Variants in ROBO2 observed in about 807,000 individuals in gnomAD.
ROBO2 encodes the protein roundabout guidance receptor 2.
Under a neutral mutation model 160.8 loss-of-function variants are expected in ROBO2, and 53 were observed. The observed-to-expected ratio is 0.33, with a 90% CI of 0.26 to 0.41. The LOEUF (loss-of-function observed/expected upper bound fraction) is 0.41, where lower values mean the gene tolerates loss of function less well. Among genes scored for constraint, ROBO2 ranks in the 10% least tolerant of loss-of-function variants. The probability of loss-of-function intolerance (pLI) is 1.00; values close to 1 mark genes in which losing one functional copy is unlikely to be tolerated. For synonymous variants in ROBO2, 664 were observed against 611.7 expected, an observed-to-expected ratio of 1.09 and a Z score of -1.26; for missense variants, 1,577 against 1,722.4, an observed-to-expected ratio of 0.92 and a Z score of 1.49.
chr3:76,142,961 T>TAAAA (rs989992736), intron 2 of ROBO2, among the ~76,000 whole-genome samples: 1 of 151,832 alleles, frequency 6.6e-6, no homozygotes, highest in African/African-American at 2.4e-5. Context: ...AAAATAAAAA[T>TAAAA]AAATAGTGGT....
chr3:77,200,270 TATATATA>T (rs1560218300), intron 2 of ROBO2, among the ~76,000 whole-genome samples: 5 of 9,448 alleles, frequency 5.3e-4, no homozygotes, highest in Admixed American at 9.5e-4. Context: ...ACATATTTTA[TATATATA>T]TATATATATA....
chr3:77,094,020 T>C (rs1221901264), intron 1 of ROBO2, among the ~76,000 whole-genome samples: 2 of 152,340 alleles, frequency 1.3e-5, no homozygotes, highest in African/African-American at 4.8e-5. Context: ...TTACCCAAAG[T>C]ATAAAATATA....
chr3:77,145,375 A>G (rs952612390), intron 2 of ROBO2, among the ~76,000 whole-genome samples: 7 of 152,192 alleles, frequency 4.6e-5, no homozygotes, highest in African/African-American at 1.7e-4. Context: ...TATATTTTCA[A>G]GGATATTATT....
chr3:76,347,079 T>A (rs571648397), intron 2 of ROBO2, among the ~76,000 whole-genome samples: 1 of 152,294 alleles, frequency 6.6e-6, no homozygotes, highest in Admixed American at 6.5e-5. Context: ...ATTATGTCTC[T>A]TTACGTTTAG....
intron 6 of ROBO2, among the ~76,000 whole-genome samples, chr3:77,535,410 A>T (rs1559560978): frequency 6.6e-6 from 1 of 151,512 alleles, no homozygotes. Flanking sequence ...CCCTCTCTTT[A>T]CTCCCACACT....
At chr3:76,650,395 G>A (rs903698291) in intron 2 of ROBO2, among the ~76,000 whole-genome samples, 2 of 151,752 alleles carry the variant, frequency 1.3e-5, no homozygotes, top group African/African-American at 4.8e-5. Flanking sequence ...TATTTTCTGT[G>A]TAGCATTCTC....
At chr3:76,544,269 A>G (rs1220206497) in intron 2 of ROBO2, among the ~76,000 whole-genome samples, 1 of 152,066 alleles carries the variant, frequency 6.6e-6, no homozygotes, top group Non-Finnish European at 1.5e-5. Flanking sequence ...TTACTAACAG[A>G]TGTTCATAAG....
chr3:77,535,655 T>C (rs983016687), intron 6 of ROBO2, among the ~76,000 whole-genome samples: 26 of 152,156 alleles, frequency 1.7e-4, no homozygotes, highest in African/African-American at 5.8e-4. Flanking sequence ...TATTGTTTTA[T>C]TTTTAGTATT....
At chr3:76,186,221 C>T (rs1222420123) in intron 2 of ROBO2, among the ~76,000 whole-genome samples, 1 of 152,002 alleles carries the variant, frequency 6.6e-6, no homozygotes, top group Non-Finnish European at 1.5e-5. Flanking sequence ...GGGTGATCCA[C>T]CATGCCTGAC....
intron 2 of ROBO2, among the ~76,000 whole-genome samples, chr3:76,710,605 C>T (rs2093272414): frequency 1.3e-5 from 2 of 152,130 alleles, no homozygotes; most frequent in African/African-American, 4.8e-5. Context: ...CAGAATACAG[C>T]AGGTTGAGAA....
chr3:77,046,861 C>G (rs992265389), intron 1 of ROBO2, among the ~76,000 whole-genome samples: 2 of 152,150 alleles, frequency 1.3e-5, no homozygotes, highest in African/African-American at 4.8e-5. Context: ...ACATGCTGAC[C>G]TGTGAAAATA....
Position 77,336,358 on chromosome 3 carries a change from G to A in ROBO2, c.389-141056G>A, listed in dbSNP as rs2153447576. Reference sequence around the variant, plus strand: ...TATCCAACAAGCAACACGAAGTCAAGAGGGGCCTGTTTGTCTACTAGCCTT... The same window carrying A: ...TATCCAACAAGCAACACGAAGTCAAAAGGGGCCTGTTTGTCTACTAGCCTT... On this transcript the variant is annotated intron_variant, in intron 2 of 25. Transcript: ENST00000461745. 1.3e-5 allele frequency among the ~76,000 whole-genome samples: 2 copies of A among 152,234 alleles called. 1 individual carries two copies. Among genetic ancestry groups the A allele is most frequent in the Non-Finnish European group, 2.9e-5 (2 of 68,012 alleles).
chr3:77,214,004 T>C (rs1240867286), intron 2 of ROBO2, among the ~76,000 whole-genome samples: 2 of 152,178 alleles, frequency 1.3e-5, no homozygotes, highest in East Asian at 3.9e-4. Flanking sequence ...TCCAACTATG[T>C]GGTCAATTTT....
chr3:75,949,908 T>G (rs2013761), intron 2 of ROBO2, among the ~76,000 whole-genome samples: 2 of 152,116 alleles, frequency 1.3e-5, no homozygotes, highest in Non-Finnish European at 2.9e-5. Flanking sequence ...ATCATTTTTG[T>G]ATGCTAAATC....
chr3:77,426,837 C>T (rs779338338), intron 2 of ROBO2, among the ~76,000 whole-genome samples: 1 of 151,896 alleles, frequency 6.6e-6, no homozygotes, highest in Non-Finnish European at 1.5e-5. Context: ...TTTTCCCCCA[C>T]AAAGCTGTAT....
intron 1 of ROBO2, among the ~76,000 whole-genome samples, chr3:77,065,973 C>T (rs1395607642): frequency 2.0e-5 from 3 of 152,038 alleles, no homozygotes; most frequent in Admixed American, 6.6e-5. Flanking sequence ...TTGCTGGCAT[C>T]GAAGCCGAAG....
rs181322378 is a variant in ROBO2 at position 77,178,919 on chromosome 3, G to A, written c.388+80579G>A. Reference sequence around the variant, plus strand: ...TGTGGTTTCAGCATTAGTCTTACTCGAGGCAGTTGAATACTGATATGATTG... The same window carrying A: ...TGTGGTTTCAGCATTAGTCTTACTCAAGGCAGTTGAATACTGATATGATTG... On this transcript the variant is annotated intron_variant, in intron 2 of 25. Transcript: ENST00000461745. Among the ~76,000 whole-genome samples the A allele has an allele frequency of 7.2e-5, 11 of 152,062 alleles. No individual in the cohort carries two copies. The East Asian group carries it at 2.1e-3, about 29-fold the overall frequency.
intron 2 of ROBO2, among the ~76,000 whole-genome samples, chr3:76,730,021 G>C (rs879554398): frequency 2.6e-5 from 4 of 152,068 alleles, no homozygotes; most frequent in Admixed American, 2.0e-4. Context: ...CTTAGTTTGG[G>C]AATATAAAAC....
intron 2 of ROBO2, among the ~76,000 whole-genome samples, chr3:76,328,831 C>T (rs1253122065): frequency 1.3e-5 from 2 of 151,252 alleles, no homozygotes; most frequent in Non-Finnish European, 2.9e-5. Context: ...CGCACTCCAG[C>T]CTGGGCGACA....
Sources: gnomAD v4.1 joint callset for allele counts (sites outside exome capture counted in the v4.1 genomes callset) on GRCh38, gnomAD v4.1.1 for gene constraint, MANE v1.5 for transcripts, NCBI Gene and HGNC (gene_info 2026-07-23, HGNC 2026-07-21) for gene names.